Variants in TRIM22 observed in about 807,000 individuals in gnomAD.
The protein encoded by TRIM22 is tripartite motif containing 22, also known as E3 ubiquitin-protein ligase TRIM22.
In TRIM22, 45 loss-of-function variants were observed where a neutral mutation model predicts 53.6. The ratio of observed to expected loss-of-function variants is 0.84; its 90% confidence interval spans 0.66 to 1.08. The LOEUF (loss-of-function observed/expected upper bound fraction) is 1.08. Among genes scored for constraint, TRIM22 ranks in the 50% least tolerant of loss-of-function variants. TRIM22 has a pLI of 0.00. For missense variants in TRIM22, 616 were observed against 590.9 expected (o/e 1.04, Z -0.44); for synonymous variants, 225 against 216.6 (o/e 1.04, Z -0.34).
In TRIM22 at chr11:5,696,479, G is replaced by A. The variant is rs200668710; in HGVS notation, c.247G>A (p.Glu83Lys). Residue 83 changes from glutamate (E) to lysine (K), a missense_variant, in exon 2 of 8, where the codon GAG (glutamate) becomes AAG (lysine). Physicochemically the swap from Glu to Lys is moderately conservative, Grantham distance 56. Coordinates refer to ENST00000379965, the MANE Select transcript of TRIM22 (RefSeq NM_006074.5). Reference protein sequence around the residue: ...HLANIVERVKEVKMSPQEGQK... With the variant: ...HLANIVERVKKVKMSPQEGQK... ...GGCCAACATAGTTGAGAGAGTCAAA[G>A]AGGTCAAGATGAGCCCACAGGAGGG... 6.3e-4 allele frequency: 1,021 copies of A among 1,614,258 alleles called. 2 individuals are homozygous for A. Among genetic ancestry groups the A allele is most frequent in the African/African-American group, 3.4e-3 (256 of 75,060 alleles).
At position 5,709,878 on chromosome 11, in the gene TRIM22, C is replaced by A; in HGVS notation, c.*230C>A. 1.9e-6 allele frequency: 1 copy of A among 515,530 alleles called. No individual in the cohort carries two copies. Among genetic ancestry groups the A allele is most frequent in the South Asian group, 2.9e-5 (1 of 34,458 alleles). The allele number at this position is 515,530 out of a possible 1,614,324, so 31.9% of individuals were successfully genotyped here. A position where few individuals can be genotyped will look rare whatever the true frequency, so the allele number is the denominator to read the frequency against. On this transcript the variant is annotated 3_prime_UTR_variant, in exon 8 of 8. Transcript: ENST00000379965. ...GGGCTGGAAATCCCAAATCTAGATT[C>A]CAGCAGAGTTGGTTCTTTCTGAGGT...
At chr11:5,709,022 C>A in intron 7 of TRIM22, 31 bp from the exon 8 acceptor site, 1 of 1,539,424 alleles carries the variant, frequency 6.5e-7, no homozygotes, top group Non-Finnish European at 9.0e-7. Flanking sequence ...TATCCCATAT[C>A]CTTCACTTGA....
At position 5,706,766 on chromosome 11, in the gene TRIM22, A is replaced by C. The variant is rs1853462711; in HGVS notation, c.773+150A>C. The C allele has an allele frequency of 8.5e-6, 7 of 819,520 alleles. No homozygotes were observed. The Admixed American group carries it at 2.0e-4, about 24-fold the overall frequency. 50.8% of individuals were successfully genotyped at this position (819,520 alleles called of 1,614,324 possible). On this transcript the variant is annotated intron_variant, in intron 5 of 7. Coordinates refer to ENST00000379965, the MANE Select transcript of TRIM22 (RefSeq NM_006074.5). ...TCCCAAATTGCTAGTCACAGATTAAAGTTTTCAATTGTAAGAAATTTTGGT... is the reference window on the plus strand; with the variant it reads ...TCCCAAATTGCTAGTCACAGATTAACGTTTTCAATTGTAAGAAATTTTGGT...
Position 5,698,561 on chromosome 11 carries a change from G to GAGCACCTACGTAAGAGATTAGGGGAAA in TRIM22, c.750+18_750+44dup. Reference sequence around the variant, plus strand: ...GATGCTGCAGGTAAGACTTGGGATGGAGCACCTACGTAAGAGATTAGGGGA... The same window carrying GAGCACCTACGTAAGAGATTAGGGGAAA: ...GATGCTGCAGGTAAGACTTGGGATGGAGCACCTACGTAAGAGATTAGGGGAAAAGCACCTACGTAAGAGATTAGGGGA... On this transcript the variant is annotated intron_variant, in intron 4 of 7. Coordinates refer to ENST00000379965, the MANE Select transcript of TRIM22 (RefSeq NM_006074.5). 6.3e-7 allele frequency: 1 copy of GAGCACCTACGTAAGAGATTAGGGGAAA among 1,591,340 alleles called. No individual in the cohort carries two copies. The highest frequency in any genetic ancestry group is 8.6e-7 in the Non-Finnish European group (1 of 1,162,966).
intron 4 of TRIM22, among the ~76,000 whole-genome samples, chr11:5,698,867 T>A (rs1853316770): frequency 1.3e-5 from 2 of 152,210 alleles, no homozygotes; most frequent in East Asian, 1.9e-4. Flanking sequence ...CTGTTTGCAG[T>A]CAATATCTGT....
In TRIM22 at chr11:5,696,500, G is replaced by A. The variant is rs141180305; in HGVS notation, c.268G>A (p.Glu90Lys). ...CAAAGAGGTCAAGATGAGCCCACAG[G>A]AGGGGCAGAAGAGAGATGTCTGTGA... is the stretch of plus-strand genomic sequence containing the variant. Reference protein sequence around the residue: ...RVKEVKMSPQEGQKRDVCEHH... With the variant: ...RVKEVKMSPQKGQKRDVCEHH... Residue 90 changes from glutamate to lysine, a missense_variant, in exon 2 of 8, where the codon GAG (glutamate) becomes AAG (lysine). By Grantham distance (56) the Glu-to-Lys change is moderately conservative (BLOSUM62 1). Transcript: ENST00000379965. 1.7e-4 allele frequency: 278 copies of A among 1,614,264 alleles called. No homozygotes were observed. The highest frequency in any genetic ancestry group is 2.2e-4 in the Non-Finnish European group (259 of 1,180,042).
Position 5,697,348 on chromosome 11 carries a change from G to C in TRIM22, c.519+5G>C. 3 of 1,609,696 alleles carry C rather than the reference G, an allele frequency of 1.9e-6. No homozygotes were observed. Among genetic ancestry groups the C allele is most frequent in the Middle Eastern group, 1.7e-4 (1 of 5,902 alleles). ...CAAGAGAGAACCGCCTGGAAGGCAG[G>C]AGGAGACACCTCCTAAGGGATAATT... is the stretch of plus-strand genomic sequence containing the variant. On this transcript the variant is annotated splice_donor_5th_base_variant and intron_variant, in intron 3 of 7. Transcript: ENST00000379965.
Position 5,709,894 on chromosome 11 carries a change from T to C in TRIM22, c.*246T>C. 2.1e-6 allele frequency: 1 copy of C among 486,656 alleles called. No homozygotes were observed. Among genetic ancestry groups the C allele is most frequent in the East Asian group, 3.3e-5 (1 of 30,420 alleles). The allele number at this position is 486,656 out of a possible 1,614,324, so 30.1% of individuals were successfully genotyped here. On this transcript the variant is annotated 3_prime_UTR_variant, in exon 8 of 8. Transcript: ENST00000379965. ...ATCTAGATTCCAGCAGAGTTGGTTC[T>C]TTCTGAGGTCTGCAAGGAAGGGCTC... is the stretch of plus-strand genomic sequence containing the variant.
rs1218301922 is a variant in TRIM22, at chr11:5,696,630, T to A, written c.398T>A (p.Ile133Lys). Residue 133 changes from isoleucine to lysine, a missense_variant, in exon 2 of 8, where the codon ATA (isoleucine) becomes AAA (lysine). Ile to Lys is a moderately radical substitution (Grantham distance 102). Coordinates refer to ENST00000379965, the MANE Select transcript of TRIM22 (RefSeq NM_006074.5). ...QEHQGHQTFRINEVVKECQEK... is the reference protein window; with the variant it reads ...QEHQGHQTFRKNEVVKECQEK... ...CACCAAGGTCACCAAACATTCCGCA[T>A]AAACGAGGTGGTCAAGGAATGTCAG... is the stretch of plus-strand genomic sequence containing the variant. The A allele has an allele frequency of 4.3e-6, 7 of 1,612,018 alleles. No individual in the cohort carries two copies. The highest frequency in any genetic ancestry group is 3.3e-5 in the Admixed American group (2 of 59,978).
At chr11:5,692,440 T>G (rs1853187510) in intron 1 of TRIM22, among the ~76,000 whole-genome samples, 1 of 152,206 alleles carries the variant, frequency 6.6e-6, no homozygotes, top group African/African-American at 2.4e-5. Context: ...TGAAACATAT[T>G]GACCAGAGAG....
At chr11:5,699,454 G>A (rs947728745) in intron 4 of TRIM22, among the ~76,000 whole-genome samples, 1 of 130,528 alleles carries the variant, frequency 7.7e-6, no homozygotes, top group Non-Finnish European at 1.6e-5. Flanking sequence ...AACCCGGGAA[G>A]CGGAGCTTGC....
chr11:5,696,699 G>A (rs1299460243), intron 2 of TRIM22, 44 bp downstream of exon 2: 3 of 1,548,696 alleles, frequency 1.9e-6, no homozygotes, highest in Admixed American at 1.9e-5. Flanking sequence ...AGCAGAAGAT[G>A]GTACCTAATG....
At chr11:5,706,560 CT>C in intron 4 of TRIM22, 33 bp from the exon 5 acceptor site, 2 of 1,609,146 alleles carry the variant, frequency 1.2e-6, no homozygotes, top group Non-Finnish European at 1.7e-6. Context: ...TCTGGCAACC[CT>C]ATCTTGACTC....
intron 1 of TRIM22, among the ~76,000 whole-genome samples, chr11:5,690,842 C>G (rs1015262671): frequency 6.6e-6 from 1 of 152,204 alleles, no homozygotes; most frequent in Non-Finnish European, 1.5e-5. Flanking sequence ...TGAGGTTCAG[C>G]AGGGATGAGA....
intron 1 of TRIM22, 24 bp from the exon 2 acceptor site, chr11:5,696,142 AC>A (rs1435548789): frequency 1.7e-6 from 2 of 1,203,168 alleles, no homozygotes; most frequent in East Asian, 4.7e-5. Context: ...TTCTTTTCTT[AC>A]CCTGTCCCCT....
chr11:5,696,546 A>C lies in TRIM22; in HGVS notation c.314A>C (p.Gln105Pro), dbSNP rs1487790186. 8 of 1,614,152 alleles carry C rather than the reference A, an allele frequency of 5.0e-6. No homozygotes were observed. The highest frequency in any genetic ancestry group is 4.0e-5 in the African/African-American group (3 of 74,958). Residue 105 changes from glutamine (Q) to proline (P), a missense_variant, in exon 2 of 8, where the codon CAG becomes CCG. Gln to Pro is a moderately conservative substitution (Grantham distance 76). Coordinates refer to ENST00000379965, the MANE Select transcript of TRIM22 (RefSeq NM_006074.5). Reference sequence around the variant, plus strand: ...TGTGAGCACCATGGAAAAAAACTCCAGATCTTCTGTAAGGAGGATGGAAAA... The same window carrying C: ...TGTGAGCACCATGGAAAAAAACTCCCGATCTTCTGTAAGGAGGATGGAAAA... Reference protein sequence around the residue: ...DVCEHHGKKLQIFCKEDGKVI... With the variant: ...DVCEHHGKKLPIFCKEDGKVI...
chr11:5,698,245 C>T, intron 3 of TRIM22, 70 bp from the exon 4 acceptor site: 9 of 1,272,252 alleles, frequency 7.1e-6, no homozygotes, highest in Non-Finnish European at 1.0e-5. Context: ...CTTATCCTGT[C>T]TCCCAGGCTC....
At chr11:5,708,712 AGTTC>A in intron 7 of TRIM22, 109 bp downstream of exon 7, 3 of 793,064 alleles carry the variant, frequency 3.8e-6, no homozygotes, top group Admixed American at 3.8e-5. Flanking sequence ...TAAACCATGT[AGTTC>A]TTTTTTTTTT....
At chr11:5,695,581 G>T (rs1196852261) in intron 1 of TRIM22, among the ~76,000 whole-genome samples, 1 of 139,900 alleles carries the variant, frequency 7.1e-6, no homozygotes, top group Admixed American at 7.2e-5. Context: ...TTTTTTTCAG[G>T]TGATAAAAAT....
Sources: gnomAD v4.1 joint callset for allele counts (sites outside exome capture counted in the v4.1 genomes callset) on GRCh38, gnomAD v4.1.1 for gene constraint, MANE v1.5 for transcripts, NCBI Gene and HGNC (gene_info 2026-07-23, HGNC 2026-07-21) for gene names.